TNNI3K: variants seen among roughly 807,000 people sequenced by gnomAD.
TNNI3K encodes serine/threonine-protein kinase TNNI3K.
TNNI3K carries 140 observed loss-of-function variants against 114.5 expected under a neutral mutation model. The ratio of observed to expected loss-of-function variants is 1.22; its 90% CI spans 1.07 to 1.41. The LOEUF (loss-of-function observed/expected upper bound fraction) is 1.41, where lower values mean the gene tolerates loss of function less well. Ranked by LOEUF, TNNI3K falls within the 40% of genes most tolerant of loss-of-function variation. The probability of loss-of-function intolerance (pLI) is 0.00; values close to 1 mark genes in which losing one functional copy is unlikely to be tolerated. For missense variants in TNNI3K, 1,125 were observed against 1,007.6 expected (o/e 1.12, Z -1.58); for synonymous variants, 347 against 347.5 (o/e 1.00, Z 0.02).
chr1:74,523,512 TA>T (rs45587037), intron 23 of TNNI3K, among the ~76,000 whole-genome samples: 56,167 of 151,424 alleles, frequency 0.37, 11,111 homozygotes, highest in East Asian at 0.64. Context: ...GAGACTCACT[TA>T]AAAAAAAAGG....
intron 17 of TNNI3K, among the ~76,000 whole-genome samples, chr1:74,416,982 A>C (rs1665147668): frequency 6.6e-6 from 1 of 152,056 alleles, no homozygotes. Context: ...CTCTCACCTG[A>C]ACTCCAGAAT....
intron 11 of TNNI3K, among the ~76,000 whole-genome samples, chr1:74,360,584 A>G (rs958456387): frequency 2.6e-5 from 4 of 152,008 alleles, no homozygotes; most frequent in African/African-American, 4.8e-5. Context: ...ATCCTTACAT[A>G]TGTCATGTTA....
intron 21 of TNNI3K, chr1:74,464,658 C>T (rs1468383407): frequency 2.5e-6 from 4 of 1,594,246 alleles, no homozygotes; most frequent in Admixed American, 3.5e-5. Context: ...CAAGTCATTA[C>T]CCAGTCTCAT....
chr1:74,489,496 G>T (rs1225228976), intron 22 of TNNI3K, among the ~76,000 whole-genome samples: 1 of 152,152 alleles, frequency 6.6e-6, no homozygotes, highest in Non-Finnish European at 1.5e-5. Context: ...ACACAGTCAT[G>T]CTCAGCTTAA....
intron 23 of TNNI3K, among the ~76,000 whole-genome samples, chr1:74,492,538 A>G (rs531622070): frequency 6.6e-6 from 1 of 152,312 alleles, no homozygotes; most frequent in Admixed American, 6.5e-5. Flanking sequence ...TATTAAAAGT[A>G]TTCTGAAGCT....
intron 17 of TNNI3K, among the ~76,000 whole-genome samples, chr1:74,388,092 A>G (rs895723638): frequency 9.2e-5 from 14 of 152,142 alleles, no homozygotes; most frequent in African/African-American, 3.1e-4. Context: ...AGCCTGGCCA[A>G]TATGGCGAAA....
At chr1:74,510,502 C>T (rs1163396856) in intron 23 of TNNI3K, among the ~76,000 whole-genome samples, 3 of 151,934 alleles carry the variant, frequency 2.0e-5, no homozygotes, top group South Asian at 2.1e-4. Context: ...AGTGAGACTC[C>T]GTCTCAAAAA....
intron 23 of TNNI3K, among the ~76,000 whole-genome samples, chr1:74,493,102 G>A (rs928996759): frequency 2.6e-5 from 4 of 152,070 alleles, no homozygotes; most frequent in Non-Finnish European, 4.4e-5. Flanking sequence ...TCACATGGGA[G>A]GCTAGGGTTT....
intron 23 of TNNI3K, among the ~76,000 whole-genome samples, chr1:74,493,741 C>T (rs1669191970): frequency 6.6e-6 from 1 of 152,136 alleles, no homozygotes; most frequent in Non-Finnish European, 1.5e-5. Flanking sequence ...AAATGTACTA[C>T]CTGGGGTATA....
chr1:74,237,982 C>A (rs913598426), intron 2 of TNNI3K, among the ~76,000 whole-genome samples: 2 of 151,902 alleles, frequency 1.3e-5, no homozygotes, highest in African/African-American at 4.8e-5. Flanking sequence ...TGATTTGTGT[C>A]AAGGTCTGCC....
chr1:74,353,165 A>C, intron 9 of TNNI3K, 101 bp from the exon 10 acceptor site: 1 of 1,213,338 alleles, frequency 8.2e-7, no homozygotes. Context: ...TATGGGGGTT[A>C]TAACTTCAGC....
intron 5 of TNNI3K, among the ~76,000 whole-genome samples, chr1:74,292,832 T>C (rs550244378): frequency 2.3e-4 from 35 of 151,582 alleles, no homozygotes; most frequent in Non-Finnish European, 5.0e-4. Flanking sequence ...GTTGTAGTTC[T>C]ATAAGGTTTT....
intron 11 of TNNI3K, chr1:74,366,688 G>A (rs1289533240): frequency 6.6e-6 from 1 of 151,986 alleles, no homozygotes; most frequent in Non-Finnish European, 1.5e-5. Flanking sequence ...ATAGGAAAAT[G>A]TCACTGGGTG....
At chr1:74,473,606 C>T (rs190511389) in intron 21 of TNNI3K, among the ~76,000 whole-genome samples, 2 of 151,538 alleles carry the variant, frequency 1.3e-5, no homozygotes, top group Admixed American at 6.6e-5. Context: ...GAGATGTACT[C>T]TCAGCTCCTA....
At chr1:74,412,525 G>T (rs1327887672) in intron 17 of TNNI3K, among the ~76,000 whole-genome samples, 1 of 152,162 alleles carries the variant, frequency 6.6e-6, no homozygotes, top group South Asian at 2.1e-4. Flanking sequence ...CTAAAGATTT[G>T]GGAGTTTTAA....
chr1:74,279,874 A>G (rs940982773), intron 5 of TNNI3K, among the ~76,000 whole-genome samples: 2 of 152,206 alleles, frequency 1.3e-5, no homozygotes, highest in Non-Finnish European at 2.9e-5. Flanking sequence ...AATGCAATGG[A>G]ACTACAACAC....
At chr1:74,378,776 C>G (rs1054700598) in intron 17 of TNNI3K, 10 of 150,798 alleles carry the variant, frequency 6.6e-5, no homozygotes, top group African/African-American at 2.4e-4. Flanking sequence ...ATATGAGGTC[C>G]TGGGAAATGT....
chr1:74,478,108 T>C (rs1199218271), intron 21 of TNNI3K, among the ~76,000 whole-genome samples: 1 of 152,196 alleles, frequency 6.6e-6, no homozygotes, highest in Non-Finnish European at 1.5e-5. Context: ...ATTATAGTTC[T>C]AAGTGTTTTT....
chr1:74,507,087 A>C (rs1669941811), intron 23 of TNNI3K, among the ~76,000 whole-genome samples: 1 of 152,244 alleles, frequency 6.6e-6, no homozygotes, highest in African/African-American at 2.4e-5. Context: ...TACAAATATT[A>C]CATAGTGTGC....
Sources: allele counts gnomAD v4.1 joint callset (sites outside exome capture counted in the v4.1 genomes callset), GRCh38; gene constraint gnomAD v4.1.1; transcripts MANE v1.5; gene names NCBI Gene and HGNC (gene_info 2026-07-23, HGNC 2026-07-21).